NKAIN2: variants seen among roughly 807,000 people sequenced by gnomAD.
NKAIN2 encodes the protein sodium/potassium transporting ATPase interacting 2.
A neutral mutation model predicts 32.6 loss-of-function variants in NKAIN2; 14 were observed. The observed-to-expected ratio is 0.43, with a 90% CI of 0.28 to 0.67. The LOEUF (loss-of-function observed/expected upper bound fraction) is 0.67, where lower values mean the gene tolerates loss of function less well. NKAIN2 is among the 30% of genes least tolerant of loss of function. The probability of loss-of-function intolerance (pLI) is 0.17; values close to 1 mark genes in which losing one functional copy is unlikely to be tolerated. For synonymous variants in NKAIN2, 80 were observed against 87.2 expected, an observed-to-expected ratio of 0.92 and a Z score of 0.46; for missense variants, 198 against 258.3, an observed-to-expected ratio of 0.77 and a Z score of 1.60.
At position 124,007,816 on chromosome 6, in the gene NKAIN2, T is replaced by C. The variant is rs78157539; in HGVS notation, c.54+203562T>C. Among the ~76,000 whole-genome samples the C allele has an allele frequency of 5.2e-3, 791 of 152,274 alleles. 5 individuals carry two copies. Among genetic ancestry groups the C allele is most frequent in the African/African-American group, 0.017 (715 of 41,546 alleles). The stretch of plus-strand genomic sequence containing the variant: ...TTTTAATAATGATATTTGAAGTAAT[T>C]AGTTTATTATCCTAGGATTTATTCC... On this transcript the variant is annotated intron_variant, in intron 1 of 6. Transcript: ENST00000368417.
intron 1 of NKAIN2, among the ~76,000 whole-genome samples, chr6:124,148,790 CTT>C (rs972809264): frequency 2.0e-5 from 3 of 152,094 alleles, no homozygotes; most frequent in Admixed American, 1.3e-4. Flanking sequence ...TTATGTATAA[CTT>C]TTTGCATGTG....
chr6:124,678,519 T>G (rs1773467048), intron 4 of NKAIN2, among the ~76,000 whole-genome samples: 1 of 152,200 alleles, frequency 6.6e-6, no homozygotes, highest in African/African-American at 2.4e-5. Flanking sequence ...TCTAGTGAAT[T>G]TTTCAATTCA....
At chr6:123,868,976 A>T (rs1336282020) in intron 1 of NKAIN2, among the ~76,000 whole-genome samples, 1 of 152,246 alleles carries the variant, frequency 6.6e-6, no homozygotes, top group Non-Finnish European at 1.5e-5. Context: ...TACATTCATC[A>T]GGAAGAATTT....
intron 1 of NKAIN2, among the ~76,000 whole-genome samples, chr6:124,016,833 C>T (rs1376502698): frequency 9.9e-5 from 15 of 152,062 alleles, no homozygotes; most frequent in African/African-American, 3.1e-4. Context: ...ATTAGTTTGC[C>T]CGCCTAAGGT....
intron 1 of NKAIN2, among the ~76,000 whole-genome samples, chr6:124,060,264 T>A (rs1782865986): frequency 6.6e-6 from 1 of 152,160 alleles, no homozygotes; most frequent in East Asian, 1.9e-4. Flanking sequence ...TGTATTTTAT[T>A]GGCATTTTCG....
intron 4 of NKAIN2, among the ~76,000 whole-genome samples, chr6:124,683,610 C>G (rs1316834196): frequency 6.6e-6 from 1 of 152,134 alleles, no homozygotes; most frequent in Non-Finnish European, 1.5e-5. Context: ...TCATCAGCCT[C>G]CAGGGTGCGT....
chr6:124,777,530 A>G (rs1224750135), intron 4 of NKAIN2, among the ~76,000 whole-genome samples: 1 of 152,224 alleles, frequency 6.6e-6, no homozygotes, highest in Non-Finnish European at 1.5e-5. Context: ...AGTGCTTGGC[A>G]CAGAATGAAT....
chr6:124,498,434 G>GT (rs1778153267), intron 3 of NKAIN2, among the ~76,000 whole-genome samples: 1 of 152,168 alleles, frequency 6.6e-6, no homozygotes, highest in African/African-American at 2.4e-5. Context: ...GCAGAACTCG[G>GT]TGAGGGCTTA....
intron 3 of NKAIN2, among the ~76,000 whole-genome samples, chr6:124,506,810 G>A (rs1370105747): frequency 6.6e-6 from 1 of 152,176 alleles, no homozygotes; most frequent in East Asian, 1.9e-4. Context: ...TTGAGCCTTT[G>A]CAAGGTGTCT....
intron 1 of NKAIN2, among the ~76,000 whole-genome samples, chr6:124,173,976 T>G (rs1264425899): frequency 6.6e-6 from 1 of 152,172 alleles, no homozygotes; most frequent in Non-Finnish European, 1.5e-5. Context: ...ACTGTTTACA[T>G]TCATGTATAG....
intron 3 of NKAIN2, among the ~76,000 whole-genome samples, chr6:124,516,429 T>C (rs1317726938): frequency 6.6e-6 from 1 of 152,192 alleles, no homozygotes; most frequent in Non-Finnish European, 1.5e-5. Flanking sequence ...CGCTTTCTCC[T>C]AAATCGAGAC....
intron 3 of NKAIN2, among the ~76,000 whole-genome samples, chr6:124,540,063 T>G (rs1397112078): frequency 3.3e-5 from 5 of 152,232 alleles, no homozygotes; most frequent in African/African-American, 1.2e-4. Context: ...ATTTATGCAT[T>G]AAATATGCTT....
chr6:124,596,886 C>G (rs1395264380), intron 3 of NKAIN2, among the ~76,000 whole-genome samples: 3 of 151,998 alleles, frequency 2.0e-5, no homozygotes, highest in Admixed American at 6.6e-5. Context: ...TACAAATGTC[C>G]AAAGGCCTGA....
intron 3 of NKAIN2, among the ~76,000 whole-genome samples, chr6:124,564,381 A>G (rs942723547): frequency 7.9e-5 from 12 of 152,164 alleles, no homozygotes; most frequent in Non-Finnish European, 4.4e-5. Flanking sequence ...CACTCTATAA[A>G]ATGGACCAAT....
chr6:124,164,441 T>C (rs902450784), intron 1 of NKAIN2, among the ~76,000 whole-genome samples: 1 of 152,086 alleles, frequency 6.6e-6, no homozygotes, highest in South Asian at 2.1e-4. Flanking sequence ...ATAGTTTCTT[T>C]TGATGATATC....
intron 4 of NKAIN2, among the ~76,000 whole-genome samples, chr6:124,711,392 T>C (rs1468138713): frequency 3.8e-5 from 5 of 132,616 alleles, no homozygotes; most frequent in Non-Finnish European, 7.9e-5. Flanking sequence ...GAAGTTCTCC[T>C]GGATAATATC....
chr6:124,416,819 A>G (rs1330515390), intron 3 of NKAIN2, among the ~76,000 whole-genome samples: 1 of 151,994 alleles, frequency 6.6e-6, no homozygotes, highest in African/African-American at 2.4e-5. Flanking sequence ...ATCAGTAGAG[A>G]TCTAGTGGGG....
chr6:124,401,268 G>A (rs1323660698), intron 3 of NKAIN2, among the ~76,000 whole-genome samples: 2 of 152,088 alleles, frequency 1.3e-5, no homozygotes, highest in African/African-American at 4.8e-5. Flanking sequence ...AGACGATAAT[G>A]ACATTTTCCC....
chr6:124,768,978 A>G (rs1272287889), intron 4 of NKAIN2, among the ~76,000 whole-genome samples: 1 of 152,214 alleles, frequency 6.6e-6, no homozygotes, highest in Non-Finnish European at 1.5e-5. Flanking sequence ...TATTCTGGTC[A>G]TAACATCACA....
Sources: allele counts gnomAD v4.1 joint callset (sites outside exome capture counted in the v4.1 genomes callset), GRCh38; gene constraint gnomAD v4.1.1; transcripts MANE v1.5; gene names NCBI Gene and HGNC (gene_info 2026-07-23, HGNC 2026-07-21).